Variants in ZNF721 observed in about 807,000 individuals in gnomAD.
ZNF721 encodes the protein zinc finger protein 721.
ZNF721 carries 2 observed loss-of-function variants against 2.4 expected under a neutral mutation model. That is an observed-to-expected ratio of 0.82 (90% CI 0.34 to 2.58). The LOEUF is 2.58. Among genes scored for constraint, ZNF721 ranks in the 30% most tolerant of loss-of-function variants. The pLI is 0.11. For missense variants in ZNF721, 1,187 were observed against 1,085.5 expected (o/e 1.09, Z -1.31); for synonymous variants, 398 against 381.8 (o/e 1.04, Z -0.50).
rs981983656 is a variant in ZNF721, at chr4:472,674, T to C, written c.-66A>G. The C allele has an allele frequency of 1.9e-6, 3 of 1,613,474 alleles. No individual in the cohort carries two copies. Among genetic ancestry groups the C allele is most frequent in the Non-Finnish European group, 2.5e-6 (3 of 1,179,920 alleles). On this transcript the variant is annotated 5_prime_UTR_variant, in exon 2 of 3. Transcript: ENST00000511833. ...TTCCACTCTTCTGGAGAGAATTCTA[T>C]GGCCACATCCCTGAATGTTAAGGGT...
chr4:444,168 T>C lies in ZNF721; in HGVS notation c.299A>G (p.Lys100Arg). Residue 100 changes from lysine to arginine, a missense_variant, in exon 3 of 3, where the codon AAG becomes AGG. Physicochemically the swap from Lys to Arg is conservative, Grantham distance 26. Coordinates refer to ENST00000511833, the MANE Select transcript of ZNF721 (RefSeq NM_133474.4). ...FSKFANSNKD[K>R]TRHTGEKHFK... is the part of the protein sequence containing the mutation. ...GTGTTTCTCTCCAGTATGTCTTGTCTTATCTTTGTTTGAATTTGCAAATTT... is the reference window on the plus strand; with the variant it reads ...GTGTTTCTCTCCAGTATGTCTTGTCCTATCTTTGTTTGAATTTGCAAATTT... 6.2e-7 allele frequency: 1 copy of C among 1,614,042 alleles called. No individual in the cohort carries two copies. Among genetic ancestry groups the C allele is most frequent in the Non-Finnish European group, 8.5e-7 (1 of 1,179,924 alleles).
chr4:498,215 G>GAAAAAAAA (rs797042296), intron 1 of ZNF721, among the ~76,000 whole-genome samples: 444 of 83,866 alleles, frequency 5.3e-3, no homozygotes, highest in Middle Eastern at 0.015. Context: ...AAAAGAAAAA[G>GAAAAAAAA]AAAAAAAAAA....
intron 2 of ZNF721, among the ~76,000 whole-genome samples, chr4:470,700 G>A (rs1351289763): frequency 4.1e-4 from 62 of 151,796 alleles, no homozygotes; most frequent in Admixed American, 4.0e-3. Context: ...GGCAACAAGA[G>A]CAAAACTGTG....
Position 441,254 on chromosome 4 carries a change from T to TA in ZNF721, c.*440dup. On this transcript the variant is annotated 3_prime_UTR_variant, in exon 3 of 3. Coordinates refer to ENST00000511833, the MANE Select transcript of ZNF721 (RefSeq NM_133474.4). ...ACATTTATAATGCTTTTATTAACTATAAATTTCAAGTAGACAATAGCTTTT... is the reference window on the plus strand; with the variant it reads ...ACATTTATAATGCTTTTATTAACTATAAAATTTCAAGTAGACAATAGCTTTT... 6.4e-6 allele frequency: 1 copy of TA among 157,398 alleles called. No individual in the cohort carries two copies. The highest frequency in any genetic ancestry group is 1.9e-4 in the East Asian group (1 of 5,314). 9.8% of individuals were successfully genotyped at this position (157,398 alleles called of 1,614,324 possible). A position where few individuals can be genotyped will look rare whatever the true frequency, so the allele number is the denominator to read the frequency against.
chr4:493,684 C>CCA (rs1403443138), intron 1 of ZNF721, among the ~76,000 whole-genome samples: 1 of 123,156 alleles, frequency 8.1e-6, no homozygotes, highest in Non-Finnish European at 1.8e-5. Context: ...ATCCCCCCCG[C>CCA]AAAAAAAAAA....
At chr4:457,693 A>G (rs982599) in intron 2 of ZNF721, among the ~76,000 whole-genome samples, 62,015 of 151,870 alleles carry the variant, frequency 0.41, 13,132 homozygotes, top group African/African-American at 0.52. Context: ...CTGGATGTAG[A>G]CTTGCCAATA....
At chr4:456,107 G>A (rs926753663) in intron 2 of ZNF721, among the ~76,000 whole-genome samples, 10 of 151,342 alleles carry the variant, frequency 6.6e-5, no homozygotes, top group Admixed American at 2.6e-4. Flanking sequence ...GTCTCGCCCT[G>A]TCACCCAGGC....
intron 1 of ZNF721, among the ~76,000 whole-genome samples, chr4:477,009 CTTTTTCTTGTTTG>C (rs781992938): frequency 1.8e-4 from 28 of 152,210 alleles, no homozygotes; most frequent in Non-Finnish European, 3.2e-4. Flanking sequence ...GATCTCTGGC[CTTTTTCTTGTTTG>C]TTTTTCCTCA....
At chr4:483,809 A>G (rs1553869860) in intron 1 of ZNF721, among the ~76,000 whole-genome samples, 1 of 152,062 alleles carries the variant, frequency 6.6e-6, no homozygotes, top group Non-Finnish European at 1.5e-5. Flanking sequence ...AATAATAGCA[A>G]TGTTCATTTG....
intron 2 of ZNF721, among the ~76,000 whole-genome samples, chr4:448,538 G>A (rs1714551887): frequency 6.6e-6 from 1 of 151,712 alleles, no homozygotes; most frequent in Admixed American, 6.6e-5. Flanking sequence ...GTAATCTACA[G>A]ATTAAATGCA....
At chr4:460,745 A>G (rs1355997540) in intron 2 of ZNF721, among the ~76,000 whole-genome samples, 1 of 152,202 alleles carries the variant, frequency 6.6e-6, no homozygotes, top group Middle Eastern at 3.2e-3. Context: ...AAATAGACAC[A>G]ATGAAAAATG....
intron 2 of ZNF721, 132 bp downstream of exon 2, chr4:472,443 C>T (rs1425697791): frequency 3.6e-5 from 35 of 970,486 alleles, no homozygotes; most frequent in African/African-American, 5.0e-5. Context: ...TTACTATACA[C>T]ATATATAACT....
At chr4:454,208 AATGGACAGAGAG>A (rs1338250457) in intron 2 of ZNF721, 19 of 152,216 alleles carry the variant, frequency 1.2e-4, no homozygotes, top group Non-Finnish European at 8.8e-5. Flanking sequence ...CTGCCCCTAC[AATGGACAGAGAG>A]ATACACTTGG....
chr4:471,643 A>G (rs1269369579), intron 2 of ZNF721, among the ~76,000 whole-genome samples: 1 of 152,112 alleles, frequency 6.6e-6, no homozygotes, highest in East Asian at 1.9e-4. Context: ...ACCTAATGCT[A>G]ATGTACATTA....
intron 2 of ZNF721, among the ~76,000 whole-genome samples, chr4:447,954 T>C (rs1714529852): frequency 1.3e-5 from 2 of 152,062 alleles, no homozygotes; most frequent in African/African-American, 4.8e-5. Context: ...AAAAAAGCAA[T>C]ATAATTATAC....
chr4:471,488 G>A (rs782461265), intron 2 of ZNF721, among the ~76,000 whole-genome samples: 10 of 152,036 alleles, frequency 6.6e-5, no homozygotes, highest in Non-Finnish European at 1.2e-4. Flanking sequence ...TTACATAGAC[G>A]GGTAAATCTA....
chr4:472,719 T>C lies in ZNF721; in HGVS notation c.-93-18A>G. ...AAGGGTTCCTGAAAATACATATGTATCAAGTGACAGAGTTCTTAATTTGAC... is the reference window on the plus strand; with the variant it reads ...AAGGGTTCCTGAAAATACATATGTACCAAGTGACAGAGTTCTTAATTTGAC... On this transcript the variant is annotated intron_variant, in intron 1 of 2. Coordinates refer to ENST00000511833, the MANE Select transcript of ZNF721 (RefSeq NM_133474.4). 1.2e-6 allele frequency: 2 copies of C among 1,610,300 alleles called. No individual in the cohort carries two copies. Among genetic ancestry groups the C allele is most frequent in the Non-Finnish European group, 1.7e-6 (2 of 1,179,226 alleles).
chr4:472,173 C>G (rs529034444), intron 2 of ZNF721, among the ~76,000 whole-genome samples: 1 of 152,150 alleles, frequency 6.6e-6, no homozygotes, highest in African/African-American at 2.4e-5. Context: ...AGTGATTCTC[C>G]GCCTAAGCCT....
At position 444,042 on chromosome 4, in the gene ZNF721, C is replaced by T. The variant is rs72501950; in HGVS notation, c.425G>A (p.Arg142His). 167,504 of 1,614,026 alleles carry T rather than the reference C, an allele frequency of 0.1. 10,396 individuals carry two copies. The highest frequency in any genetic ancestry group is 0.29 in the African/African-American group (21,844 of 74,952). The change falls in exon 3 of 3, where the codon CGT becomes CAT. Residue 142 changes from arginine (R) to histidine (H), a missense_variant. Arg to His is a conservative substitution (Grantham distance 29). Coordinates refer to ENST00000511833, the MANE Select transcript of ZNF721 (RefSeq NM_133474.4). ...AGEKPYTCEE[R>H]GKDFGWYTDL... Reference sequence around the variant, plus strand: ...TGTGTACCATCCAAAGTCTTTGCCACGTTCTTCACAAGTGTAGGGTTTCTC... The same window carrying T: ...TGTGTACCATCCAAAGTCTTTGCCATGTTCTTCACAAGTGTAGGGTTTCTC...
Sources: gnomAD v4.1 joint callset for allele counts (sites outside exome capture counted in the v4.1 genomes callset) on GRCh38, gnomAD v4.1.1 for gene constraint, MANE v1.5 for transcripts, NCBI Gene and HGNC (gene_info 2026-07-23, HGNC 2026-07-21) for gene names.